Variants in TRHDE observed in about 807,000 individuals in gnomAD.
TRHDE encodes thyrotropin-releasing hormone-degrading ectoenzyme.
In TRHDE, 72 loss-of-function variants were observed where a neutral mutation model predicts 125.7. That is an observed-to-expected ratio of 0.57 (90% CI 0.47 to 0.70). TRHDE has a LOEUF of 0.70. Among genes scored for constraint, TRHDE ranks in the 30% least tolerant of loss-of-function variants. The probability of loss-of-function intolerance (pLI) is 0.00; values close to 1 mark genes in which losing one functional copy is unlikely to be tolerated. For synonymous variants in TRHDE, 509 were observed against 509.1 expected (o/e 1.00, Z 0.00); for missense variants, 1,110 against 1,327.1 (o/e 0.84, Z 2.54).
At chr12:72,470,770 G>A (rs1198783158) in intron 4 of TRHDE, among the ~76,000 whole-genome samples, 1 of 149,340 alleles carries the variant, frequency 6.7e-6, no homozygotes. Context: ...AATGCCGTCA[G>A]TGAAAGAAGG....
intron 6 of TRHDE, among the ~76,000 whole-genome samples, chr12:72,527,143 G>T (rs1868350168): frequency 6.6e-6 from 1 of 152,056 alleles, no homozygotes. Flanking sequence ...CAGTTATCTA[G>T]TTTAACAGGT....
intron 3 of TRHDE, among the ~76,000 whole-genome samples, chr12:72,430,291 G>T (rs1194430194): frequency 7.2e-6 from 1 of 138,430 alleles, no homozygotes. Context: ...TTGTGTGTGT[G>T]TATATATGTA....
intron 2 of TRHDE, among the ~76,000 whole-genome samples, chr12:72,195,749 T>C (rs1289622808): frequency 1.3e-5 from 2 of 152,216 alleles, no homozygotes; most frequent in Non-Finnish European, 2.9e-5. Flanking sequence ...TTGTCAATTT[T>C]TGTTTTTGTC....
chr12:72,641,468 T>G (rs1874056994), intron 15 of TRHDE, among the ~76,000 whole-genome samples: 1 of 152,214 alleles, frequency 6.6e-6, no homozygotes, highest in African/African-American at 2.4e-5. Flanking sequence ...CGTCTGTCCT[T>G]TCAGTCTATT....
At chr12:72,320,164 A>G (rs1393317492) in intron 2 of TRHDE, among the ~76,000 whole-genome samples, 1 of 152,000 alleles carries the variant, frequency 6.6e-6, no homozygotes, top group Non-Finnish European at 1.5e-5. Context: ...AGGAGTGTAT[A>G]TGCATACACA....
chr12:72,249,990 T>C (rs1878646195), intron 2 of TRHDE, among the ~76,000 whole-genome samples: 1 of 152,160 alleles, frequency 6.6e-6, no homozygotes, highest in East Asian at 1.9e-4. Context: ...AATAAACTGA[T>C]AAGAAGAACT....
At position 72,551,165 on chromosome 12, in the gene TRHDE, C is replaced by T. The variant is rs538409788; in HGVS notation, c.1788+8809C>T. Among the ~76,000 whole-genome samples, 75 of 152,058 alleles carry T rather than the reference C, an allele frequency of 4.9e-4. 3 individuals carry two copies. The South Asian group carries it at 0.013, about 26-fold the overall frequency. On this transcript the variant is annotated intron_variant, in intron 7 of 18. Transcript: ENST00000261180. ...TCAAAATTATTGTTATGAAAAAATA[C>T]GTTACAAATTAGTGGCTTAGGAGTG... is the stretch of plus-strand genomic sequence containing the variant.
intron 2 of TRHDE, among the ~76,000 whole-genome samples, chr12:72,212,116 A>C (rs954363934): frequency 2.0e-5 from 3 of 152,156 alleles, no homozygotes; most frequent in African/African-American, 7.2e-5. Context: ...AATAAATAGA[A>C]TTATGAATGT....
chr12:72,193,297 TGAG>T (rs1412838664), intron 2 of TRHDE, among the ~76,000 whole-genome samples: 2 of 151,924 alleles, frequency 1.3e-5, no homozygotes, highest in African/African-American at 4.8e-5. Context: ...TTTTTCCAAA[TGAG>T]GAGGCATTTG....
intron 2 of TRHDE, among the ~76,000 whole-genome samples, chr12:72,214,238 C>T (rs750125143): frequency 9.9e-5 from 15 of 152,064 alleles, no homozygotes; most frequent in Non-Finnish European, 1.2e-4. Context: ...AATGCTGAAA[C>T]GCAACACTTC....
intron 12 of TRHDE, among the ~76,000 whole-genome samples, chr12:72,581,726 A>C (rs1871236195): frequency 6.6e-6 from 1 of 152,234 alleles, no homozygotes; most frequent in African/African-American, 2.4e-5. Context: ...TTAAGAAATA[A>C]GACGTTACTT....
At chr12:72,360,343 A>G (rs1375584407) in intron 2 of TRHDE, among the ~76,000 whole-genome samples, 3 of 151,820 alleles carry the variant, frequency 2.0e-5, no homozygotes, top group African/African-American at 4.8e-5. Flanking sequence ...GCAAATGATT[A>G]CTATCCAGGA....
At position 72,378,079 on chromosome 12, in the gene TRHDE, T is replaced by C; in HGVS notation, c.1273T>C (p.Tyr425His). The C allele has an allele frequency of 6.2e-7, 1 of 1,604,868 alleles. No individual in the cohort carries two copies. Among genetic ancestry groups the C allele is most frequent in the Non-Finnish European group, 8.5e-7 (1 of 1,176,498 alleles). Reference sequence around the variant, plus strand: ...TATAACAAAGAGATTAATAGAATTTTATGAAGACTACTTTAAAGTGCCCTA... The same window carrying C: ...TATAACAAAGAGATTAATAGAATTTCATGAAGACTACTTTAAAGTGCCCTA... ...LHITKRLIEF[Y>H]EDYFKVPYSL... is the part of the protein sequence containing the mutation. Residue 425 changes from tyrosine (Y) to histidine (H), a missense_variant, in exon 3 of 19, where the codon TAT becomes CAT. Around this residue, in one of 5 missense-constraint regions of TRHDE, gnomAD observed 252 missense variants for 274.8 expected, o/e 0.92. Coordinates refer to ENST00000261180, the MANE Select transcript of TRHDE (RefSeq NM_013381.3).
In TRHDE at chr12:72,098,450, C is replaced by T. The variant is rs374854665; in HGVS notation, n.175-7198C>T. On this transcript the variant is annotated intron_variant and non_coding_transcript_variant, in intron 1 of 4. Coordinates refer to the TRHDE transcript ENST00000548156. ...TTGTGGTTGTGGTAATCGTTTATGG[C>T]CACAATTTCTTCTATCCAAAGTGCA... 6.6e-5 allele frequency among the ~76,000 whole-genome samples: 10 copies of T among 152,024 alleles called. No homozygotes were observed. The East Asian group carries it at 1.9e-3, about 29-fold the overall frequency.
At chr12:72,553,995 C>T (rs1192351273) in intron 7 of TRHDE, among the ~76,000 whole-genome samples, 1 of 151,678 alleles carries the variant, frequency 6.6e-6, no homozygotes, top group African/African-American at 2.4e-5. Flanking sequence ...TTACAGGTGG[C>T]TGCCACCTCA....
chr12:72,481,179 T>A (rs1384296316), intron 5 of TRHDE, among the ~76,000 whole-genome samples: 3 of 152,052 alleles, frequency 2.0e-5, no homozygotes, highest in African/African-American at 7.2e-5. Context: ...CACAACTCAT[T>A]TCTAAGCAAG....
chr12:72,156,405 C>T (rs960743711), intron 2 of TRHDE, among the ~76,000 whole-genome samples: 5 of 152,198 alleles, frequency 3.3e-5, no homozygotes, highest in African/African-American at 1.2e-4. Context: ...CACTGTCCTA[C>T]ACCCACTGTC....
At chr12:72,639,617 C>T (rs1280724326) in intron 15 of TRHDE, among the ~76,000 whole-genome samples, 2 of 151,956 alleles carry the variant, frequency 1.3e-5, no homozygotes, top group African/African-American at 4.8e-5. Flanking sequence ...TCTGTTTTTT[C>T]CCCATCTTTG....
intron 3 of TRHDE, among the ~76,000 whole-genome samples, chr12:72,382,112 G>T (rs1872212743): frequency 6.6e-6 from 1 of 152,196 alleles, no homozygotes; most frequent in Non-Finnish European, 1.5e-5. Flanking sequence ...GCGGGAGCAT[G>T]TAGTTGATAT....
Sources: gnomAD v4.1 joint callset for allele counts (sites outside exome capture counted in the v4.1 genomes callset) on GRCh38, gnomAD v4.1.1 for gene constraint, gnomAD v4.1.1 regional missense constraint, MANE v1.5 for transcripts, NCBI Gene and HGNC (gene_info 2026-07-23, HGNC 2026-07-21) for gene names.